The following UPF2 variants were observed in gnomAD, a reference collection of about 807,000 sequenced individuals.
UPF2 encodes the protein UPF2 regulator of nonsense mediated mRNA decay.
UPF2 carries 17 observed loss-of-function variants against 141.4 expected under a neutral mutation model. The ratio of observed to expected loss-of-function variants is 0.12; its 90% CI spans 0.08 to 0.18. The LOEUF is 0.18. Ranked by LOEUF, UPF2 falls within the 10% of genes least tolerant of loss-of-function variation. UPF2 has a pLI of 1.00. For synonymous variants in UPF2, 540 were observed against 498.0 expected, an observed-to-expected ratio of 1.08 and a Z score of -1.12; for missense variants, 1,152 against 1,515.9, an observed-to-expected ratio of 0.76 and a Z score of 3.99.
At position 11,921,312 on chromosome 10, in the gene UPF2, AG is replaced by A. The variant is rs1270581037; in HGVS notation, c.3810-6del. On this transcript the variant is annotated splice_region_variant and splice_polypyrimidine_tract_variant and intron_variant, in intron 21 of 21. Coordinates refer to ENST00000357604, the MANE Select transcript of UPF2 (RefSeq NM_015542.4). The surrounding 1 kb of genome is among the most constrained non-coding windows in gnomAD (Gnocchi z 5.9). ...GTGCTGCTGGATCAACGTCTCCTAAAGGAACAAACAGGGTCACATCAGAGAG... is the reference window on the plus strand; with the variant it reads ...GTGCTGCTGGATCAACGTCTCCTAAAGAACAAACAGGGTCACATCAGAGAG... 2 of 1,614,184 alleles carry A rather than the reference AG, an allele frequency of 1.2e-6. No individual in the cohort carries two copies. Among genetic ancestry groups the A allele is most frequent in the Non-Finnish European group, 1.7e-6 (2 of 1,180,034 alleles).
intron 3 of UPF2, among the ~76,000 whole-genome samples, chr10:12,017,078 G>T (rs1834235946): frequency 6.6e-6 from 1 of 150,572 alleles, no homozygotes; most frequent in African/African-American, 2.4e-5. Flanking sequence ...GGTAAAAATT[G>T]AAGAGTTTAT....
In UPF2 at chr10:12,042,390, G is replaced by C. The variant is rs1033218850; in HGVS notation, c.-19+365C>G. On this transcript the variant is annotated intron_variant, in intron 1 of 21. Coordinates refer to ENST00000357604, the MANE Select transcript of UPF2 (RefSeq NM_015542.4). This position sits in a 1 kb window ranked among gnomAD's most constrained non-coding sequence, Gnocchi z 5.5. ...CGCCCTCGCTTCCCTCCCGGCTCTC[G>C]AGGAGCTTCCCCCGACCTCCCCTCG... 1.3e-5 allele frequency among the ~76,000 whole-genome samples: 2 copies of C among 151,752 alleles called. No individual in the cohort carries two copies. Among genetic ancestry groups the C allele is most frequent in the South Asian group, 4.2e-4 (2 of 4,796 alleles).
At position 11,940,409 on chromosome 10, in the gene UPF2, C is replaced by T. The variant is rs141178878; in HGVS notation, c.3378+2256G>A. On this transcript the variant is annotated intron_variant, in intron 18 of 21. Coordinates refer to ENST00000357604, the MANE Select transcript of UPF2 (RefSeq NM_015542.4). This position sits in a 1 kb window ranked among gnomAD's most constrained non-coding sequence, Gnocchi z 4.2. ...TACACCGGGGATGAATCATTTGTTC[C>T]GATGCTTTCAATATACTCTACCCAT... Among the ~76,000 whole-genome samples the T allele has an allele frequency of 2.9e-3, 440 of 152,234 alleles. 1 individual carries two copies. The highest frequency in any genetic ancestry group is 3.8e-3 in the Non-Finnish European group (259 of 68,018).
At chr10:12,023,550 C>CGTG (rs1334477900) in intron 3 of UPF2, among the ~76,000 whole-genome samples, 1 of 148,996 alleles carries the variant, frequency 6.7e-6, no homozygotes, top group Non-Finnish European at 1.5e-5. Context: ...ATTAGCCAGG[C>CGTG]GTGGTGGTGC....
At chr10:11,977,731 T>C (rs1833529735) in intron 9 of UPF2, among the ~76,000 whole-genome samples, 1 of 152,204 alleles carries the variant, frequency 6.6e-6, no homozygotes, top group Non-Finnish European at 1.5e-5. Flanking sequence ...TAGCAGCATT[T>C]ATCAAAGTGT....
In UPF2 at chr10:11,956,451, T is replaced by G; in HGVS notation, c.2443A>C (p.Asn815His). Residue 815 changes from asparagine (N) to histidine (H), a missense_variant, in exon 13 of 22, where the codon AAC becomes CAC. By Grantham distance (68) the Asn-to-His change is moderately conservative (BLOSUM62 1). This residue lies in a region of UPF2 where 739 missense variants were observed against 1,032.2 expected (regional missense o/e 0.72). Coordinates refer to ENST00000357604, the MANE Select transcript of UPF2 (RefSeq NM_015542.4). This position sits in a 1 kb window ranked among gnomAD's most constrained non-coding sequence, Gnocchi z 4.2. ...CTATTATATTTCACATTCCAGATGT[T>G]TATCATACAACAAATAACATAGTCT... is the stretch of plus-strand genomic sequence containing the variant. ...VKDYVICCMI[N>H]IWNVKYNSIH... 6.2e-7 allele frequency: 1 copy of G among 1,614,142 alleles called. No homozygotes were observed. Among genetic ancestry groups the G allele is most frequent in the Non-Finnish European group, 8.5e-7 (1 of 1,179,990 alleles).
intron 14 of UPF2, among the ~76,000 whole-genome samples, chr10:11,954,955 A>G (rs1299358471): frequency 6.6e-6 from 1 of 151,998 alleles, no homozygotes; most frequent in Admixed American, 6.6e-5. Context: ...CGGTCCATAA[A>G]TTACTGAACC....
rs555019830 is a variant in UPF2 at position 11,980,342 on chromosome 10, A to T, written c.1845-1177T>A. On this transcript the variant is annotated intron_variant, in intron 8 of 21. Transcript: ENST00000357604. This position sits in a 1 kb window ranked among gnomAD's most constrained non-coding sequence, Gnocchi z 4.2. ...CTTAACTGACAGCAGCAAATAATGG[A>T]GCTGACAGTGAGAGAGGAAGCTAAA... Among the ~76,000 whole-genome samples, 26 of 152,344 alleles carry T rather than the reference A, an allele frequency of 1.7e-4. 1 individual carries two copies. The highest frequency in any genetic ancestry group is 4.1e-4 in the South Asian group (2 of 4,822).
Position 11,921,392 on chromosome 10 carries a change from A to G in UPF2, c.3810-85T>C, listed in dbSNP as rs1832642720. ...GATGGCGTCTGCAACGCTACCCACC[A>G]CCACCAAGTCACTCCCCCAAGTTAC... On this transcript the variant is annotated intron_variant, in intron 21 of 21. Transcript: ENST00000357604. This position sits in a 1 kb window ranked among gnomAD's most constrained non-coding sequence, Gnocchi z 5.9. 2.6e-6 allele frequency: 4 copies of G among 1,558,676 alleles called. No homozygotes were observed. The highest frequency in any genetic ancestry group is 3.5e-6 in the Non-Finnish European group (4 of 1,132,838).
chr10:12,017,694 T>G (rs953057228), intron 3 of UPF2, among the ~76,000 whole-genome samples: 2 of 152,212 alleles, frequency 1.3e-5, no homozygotes, highest in African/African-American at 4.8e-5. Context: ...AAGTTTAGAT[T>G]TGGGGTTTTG....
At position 11,952,199 on chromosome 10, in the gene UPF2, T is replaced by C. The variant is rs1833084104; in HGVS notation, c.2901A>G (p.Pro967=). ...TCATGTAATCTATATCAATAGGAAA[T>C]GGATGGTCTTTTGTCCAAACCTCCA... The part of the protein sequence containing the change: ...KSLEVWTKDH[P]FPIDIDYMIS... Residue 967 remains proline, a synonymous_variant, in exon 15 of 22, where the codon CCA becomes CCG. Transcript: ENST00000357604. 1.2e-6 allele frequency: 2 copies of C among 1,613,386 alleles called. No individual in the cohort carries two copies. The highest frequency in any genetic ancestry group is 1.1e-5 in the South Asian group (1 of 90,886).
rs1231694592 is a variant in UPF2 at position 11,956,994 on chromosome 10, T to A, written c.2371-471A>T. ...CAATAGCATGCCTGGCTAATTTTTA[T>A]ATTTTTTGTAGAGGCGAGATCTTCC... On this transcript the variant is annotated intron_variant, in intron 12 of 21. Coordinates refer to ENST00000357604, the MANE Select transcript of UPF2 (RefSeq NM_015542.4). The surrounding 1 kb of genome is among the most constrained non-coding windows in gnomAD (Gnocchi z 4.2). Among the ~76,000 whole-genome samples the A allele has an allele frequency of 6.6e-6, 1 of 152,198 alleles. No homozygotes were observed. Among genetic ancestry groups the A allele is most frequent in the Non-Finnish European group, 1.5e-5 (1 of 68,024 alleles).
intron 8 of UPF2, among the ~76,000 whole-genome samples, chr10:11,993,150 A>G (rs1833808497): frequency 3.1e-5 from 1 of 32,432 alleles, no homozygotes; most frequent in African/African-American, 4.9e-5. Context: ...GCTCCACCTC[A>G]AAAAAAAAAA....
At chr10:11,962,181 C>G (rs541198541) in intron 11 of UPF2, among the ~76,000 whole-genome samples, 1 of 152,196 alleles carries the variant, frequency 6.6e-6, no homozygotes, top group Non-Finnish European at 1.5e-5. Context: ...ACTTTTCCCC[C>G]ACACACGCAC....
At chr10:11,952,343 C>T (rs1316170186) in intron 14 of UPF2, 94 bp from the exon 15 acceptor site, 1 of 1,148,934 alleles carries the variant, frequency 8.7e-7, no homozygotes, top group African/African-American at 1.6e-5. Context: ...CCAGTTATAA[C>T]TACTAAGCTG....
chr10:11,934,362 T>G (rs1211651506), intron 19 of UPF2, among the ~76,000 whole-genome samples: 2 of 151,318 alleles, frequency 1.3e-5, no homozygotes, highest in African/African-American at 4.9e-5. Flanking sequence ...GAATGGAGAG[T>G]AAAGGAATGG....
At chr10:12,003,233 T>C (rs1833980805) in intron 5 of UPF2, among the ~76,000 whole-genome samples, 1 of 152,254 alleles carries the variant, frequency 6.6e-6, no homozygotes, top group Non-Finnish European at 1.5e-5. Context: ...TGTCCCCTGA[T>C]GTCTGGCTAC....
intron 8 of UPF2, among the ~76,000 whole-genome samples, chr10:11,985,243 C>T (rs1446424406): frequency 6.6e-6 from 1 of 152,226 alleles, no homozygotes; most frequent in East Asian, 1.9e-4. Flanking sequence ...CTATTTAAAT[C>T]TTGAAGTCCT....
Position 11,938,853 on chromosome 10 carries a change from G to GTTTTTTTTTTTTTTTTTTT in UPF2, c.3379-2160_3379-2142dup, listed in dbSNP as rs58106776. ...GTGGTCTTAAGCAAGTTTTTTTTTT[G>GTTTTTTTTTTTTTTTTTTT]TTTTTTTTTTTTTTTTTTTTTTTTT... On this transcript the variant is annotated intron_variant, in intron 18 of 21. Coordinates refer to ENST00000357604, the MANE Select transcript of UPF2 (RefSeq NM_015542.4). Among the ~76,000 whole-genome samples the GTTTTTTTTTTTTTTTTTTT allele has an allele frequency of 3.7e-3, 295 of 79,822 alleles. 64 individuals carry two copies. Among genetic ancestry groups the GTTTTTTTTTTTTTTTTTTT allele is most frequent in the Non-Finnish European group, 3.6e-3 (154 of 42,772 alleles). The allele number at this position is 79,822 out of a possible 152,430, so 52.4% of individuals were successfully genotyped here. A position where few individuals can be genotyped will look rare whatever the true frequency, so the allele number is the denominator to read the frequency against.
Sources: gnomAD v4.1 joint callset for allele counts (sites outside exome capture counted in the v4.1 genomes callset) on GRCh38, gnomAD v4.1.1 for gene constraint, gnomAD v4.1.1 regional missense constraint, Gnocchi (gnomAD v3.1) non-coding constraint, MANE v1.5 for transcripts, NCBI Gene and HGNC (gene_info 2026-07-23, HGNC 2026-07-21) for gene names.